Variants in HDAC9 observed in about 807,000 individuals in gnomAD.
The protein encoded by HDAC9 is MEF-2 interacting transcription repressor (MITR) protein.
A neutral mutation model predicts 139.4 loss-of-function variants in HDAC9; 41 were observed. That is an observed-to-expected ratio of 0.29 (90% confidence interval 0.23 to 0.38). The LOEUF (loss-of-function observed/expected upper bound fraction) is 0.38, where lower values mean the gene tolerates loss of function less well. HDAC9 is among the 10% of genes least tolerant of loss of function. The pLI is 1.00. For synonymous variants in HDAC9, 517 were observed against 476.2 expected (o/e 1.09, Z -1.12); for missense variants, 1,147 against 1,297.0 (o/e 0.88, Z 1.78).
chr7:18,124,034 T>A (rs750682728), intron 1 of HDAC9, among the ~76,000 whole-genome samples: 3 of 152,184 alleles, frequency 2.0e-5, no homozygotes, highest in African/African-American at 7.2e-5. Context: ...AGGTTTCCCT[T>A]TGCATACCAT....
intron 6 of HDAC9, among the ~76,000 whole-genome samples, chr7:18,605,927 A>G (rs968973839): frequency 2.0e-5 from 3 of 151,872 alleles, no homozygotes; most frequent in Admixed American, 6.6e-5. Flanking sequence ...TGATCTGCCC[A>G]CCTCGGCCTC....
chr7:18,626,823 A>G (rs1414557623), intron 6 of HDAC9, among the ~76,000 whole-genome samples: 1 of 152,166 alleles, frequency 6.6e-6, no homozygotes, highest in Admixed American at 6.5e-5. Flanking sequence ...GGTTTCATCT[A>G]GAATGTTTAA....
chr7:18,705,378 A>G (rs1178110), intron 12 of HDAC9, among the ~76,000 whole-genome samples: 28,212 of 152,068 alleles, frequency 0.19, 2,775 homozygotes, highest in East Asian at 0.28. Context: ...GACATTGTCA[A>G]ATGTACTCTG....
intron 2 of HDAC9, among the ~76,000 whole-genome samples, chr7:18,180,290 T>G (rs776793687): frequency 6.6e-6 from 1 of 151,444 alleles, no homozygotes; most frequent in Non-Finnish European, 1.5e-5. Flanking sequence ...TCTTAACCTA[T>G]GGACATTTGC....
chr7:18,787,269 T>C (rs1353636396), intron 16 of HDAC9, among the ~76,000 whole-genome samples: 1 of 152,174 alleles, frequency 6.6e-6, no homozygotes, highest in Non-Finnish European at 1.5e-5. Context: ...AAAGTGGGGT[T>C]CTACTCAATC....
chr7:18,313,138 C>G (rs975322809), intron 1 of HDAC9, among the ~76,000 whole-genome samples: 1 of 152,072 alleles, frequency 6.6e-6, no homozygotes, highest in Non-Finnish European at 1.5e-5. Context: ...TCTTCATCAC[C>G]TGAGTTTTCG....
intron 2 of HDAC9, among the ~76,000 whole-genome samples, chr7:18,575,807 A>G (rs1382670976): frequency 6.6e-6 from 1 of 152,198 alleles, no homozygotes; most frequent in African/African-American, 2.4e-5. Context: ...TGTGTTACTA[A>G]TTTTATTCCC....
At chr7:18,746,086 G>T (rs1275939168) in intron 13 of HDAC9, among the ~76,000 whole-genome samples, 1 of 149,794 alleles carries the variant, frequency 6.7e-6, no homozygotes, top group Non-Finnish European at 1.5e-5. Context: ...GTTCAGGCTG[G>T]TTTCAAATTC....
At chr7:18,590,979 GTCAGT>G (rs1462060290) in intron 4 of HDAC9, among the ~76,000 whole-genome samples, 2 of 152,148 alleles carry the variant, frequency 1.3e-5, no homozygotes, top group Admixed American at 1.3e-4. Flanking sequence ...CCTGTATTAG[GTCAGT>G]TCAAAATCAG....
In HDAC9 at chr7:18,116,346, A is replaced by T. The variant is rs568188234; in HGVS notation, c.-97+29133A>T. Among the ~76,000 whole-genome samples, 29 of 152,294 alleles carry T rather than the reference A, an allele frequency of 1.9e-4. 1 individual carries two copies. The South Asian group carries it at 6.0e-3, about 32-fold the overall frequency. On this transcript the variant is annotated intron_variant, in intron 1 of 12. Coordinates refer to the HDAC9 transcript ENST00000417496. ...GTTACATTTTATGTTACTTGCTAAA[A>T]TTTTTTGAAAAGGATAAAGTGATCA... is the stretch of plus-strand genomic sequence containing the variant.
At chr7:18,469,178 A>AT (rs976019213) in intron 1 of HDAC9, among the ~76,000 whole-genome samples, 2 of 152,160 alleles carry the variant, frequency 1.3e-5, no homozygotes, top group African/African-American at 2.4e-5. Flanking sequence ...AGGAGCTAAG[A>AT]TTTTTTTATT....
chr7:18,579,343 CA>C (rs1278998093), intron 2 of HDAC9, among the ~76,000 whole-genome samples: 1 of 152,170 alleles, frequency 6.6e-6, no homozygotes, highest in East Asian at 1.9e-4. Context: ...AGCCTTGAGA[CA>C]GCTATTCCAC....
intron 2 of HDAC9, among the ~76,000 whole-genome samples, chr7:18,210,496 G>A (rs1035872420): frequency 2.6e-5 from 4 of 152,176 alleles, no homozygotes; most frequent in African/African-American, 9.6e-5. Context: ...AAGATATGTC[G>A]AGAAGAGTTC....
At chr7:18,256,097 C>A (rs1213009931) in intron 2 of HDAC9, among the ~76,000 whole-genome samples, 1 of 152,092 alleles carries the variant, frequency 6.6e-6, no homozygotes, top group Admixed American at 6.5e-5. Flanking sequence ...TCTTGAAGAG[C>A]TAATTTCGTT....
chr7:18,982,408 A>C (rs1785014647), intron 25 of HDAC9, among the ~76,000 whole-genome samples: 1 of 151,970 alleles, frequency 6.6e-6, no homozygotes, highest in African/African-American at 2.4e-5. Context: ...GTATTAGTAG[A>C]CTCATACCTA....
chr7:18,888,287 T>C (rs1800350033), intron 22 of HDAC9, among the ~76,000 whole-genome samples: 1 of 151,926 alleles, frequency 6.6e-6, no homozygotes. Context: ...TAGCCAGGCG[T>C]GGTGGCGGGC....
At chr7:18,992,244 A>G (rs891518128) in intron 25 of HDAC9, among the ~76,000 whole-genome samples, 1 of 152,226 alleles carries the variant, frequency 6.6e-6, no homozygotes, top group Non-Finnish European at 1.5e-5. Context: ...AGTTGGAGTC[A>G]AGCCCAGTGT....
At chr7:18,326,566 C>T (rs564810826) in intron 1 of HDAC9, among the ~76,000 whole-genome samples, 2 of 152,104 alleles carry the variant, frequency 1.3e-5, no homozygotes, top group Admixed American at 1.3e-4. Context: ...AACTTCTGAG[C>T]TCAGAATGAA....
At chr7:18,868,586 T>G (rs1798667794) in intron 21 of HDAC9, among the ~76,000 whole-genome samples, 1 of 152,174 alleles carries the variant, frequency 6.6e-6, no homozygotes, top group Admixed American at 6.6e-5. Flanking sequence ...CATACATTAG[T>G]TTTTTTCTAC....
Sources: gnomAD v4.1 joint callset for allele counts (sites outside exome capture counted in the v4.1 genomes callset) on GRCh38, gnomAD v4.1.1 for gene constraint, MANE v1.5 for transcripts, NCBI Gene and HGNC (gene_info 2026-07-23, HGNC 2026-07-21) for gene names.